Variants in BBS9 observed in about 807,000 individuals in gnomAD.
BBS9 encodes the protein Bardet-Biedl syndrome 9.
BBS9 carries 89 observed loss-of-function variants against 117.7 expected under a neutral mutation model. That is an observed-to-expected ratio of 0.76 (90% CI 0.64 to 0.90). The LOEUF is 0.90. Ranked by LOEUF, BBS9 falls within the 40% of genes least tolerant of loss-of-function variation. BBS9 has a pLI of 0.00. For synonymous variants in BBS9, 379 were observed against 370.9 expected (o/e 1.02, Z -0.25); for missense variants, 982 against 1,042.2 (o/e 0.94, Z 0.80).
chr7:33,131,148 C>T (rs1789537603), intron 1 of BBS9, among the ~76,000 whole-genome samples: 1 of 152,296 alleles, frequency 6.6e-6, no homozygotes, highest in East Asian at 1.9e-4. Flanking sequence ...GTGAGTTTGG[C>T]ATTCGTAATT....
intron 19 of BBS9, among the ~76,000 whole-genome samples, chr7:33,455,105 A>G (rs1365185733): frequency 6.6e-6 from 1 of 152,158 alleles, no homozygotes; most frequent in African/African-American, 2.4e-5. Flanking sequence ...AATAAATGCT[A>G]GCTGCTTTTA....
intron 21 of BBS9, among the ~76,000 whole-genome samples, chr7:33,540,095 C>T (rs1185988791): frequency 2.0e-5 from 3 of 152,126 alleles, no homozygotes; most frequent in Non-Finnish European, 4.4e-5. Flanking sequence ...ACCCTCTTCC[C>T]CTCAATTATA....
Position 33,344,583 on chromosome 7 carries a change from A to G in BBS9, c.1278A>G (p.Gln426=). 6.2e-7 allele frequency: 1 copy of G among 1,614,084 alleles called. No homozygotes were observed. The highest frequency in any genetic ancestry group is 2.2e-5 in the East Asian group (1 of 44,854). ...VVSPNFDSVS[Q]ATDVEVGTDL... ...CCTTCTCAATTCTGTGTTTACAGCA[A>G]GCGACCGATGTTGAGGTGGGAACTG... The change falls in exon 12 of 23, where the codon CAA becomes CAG. Residue 426 remains glutamine (Q), a splice_region_variant and synonymous_variant. Coordinates refer to ENST00000242067, the MANE Select transcript of BBS9 (RefSeq NM_198428.3).
chr7:33,578,193 A>T (rs1472710013), intron 21 of BBS9, among the ~76,000 whole-genome samples: 4 of 152,196 alleles, frequency 2.6e-5, no homozygotes, highest in Non-Finnish European at 4.4e-5. Context: ...TTCTACATAG[A>T]TCTTGAAATA....
chr7:33,561,946 T>A (rs992195082), intron 21 of BBS9, among the ~76,000 whole-genome samples: 1 of 152,238 alleles, frequency 6.6e-6, no homozygotes, highest in African/African-American at 2.4e-5. Flanking sequence ...AACAATAGTC[T>A]TTTCTTTCTT....
chr7:33,565,945 G>T lies in BBS9; in HGVS notation c.2521+31769G>T, dbSNP rs1856869796. On this transcript the variant is annotated intron_variant, in intron 21 of 22. Transcript: ENST00000242067. ...TACAGGTACAAGGTGAGAAGTGGAA[G>T]AGATGGTGTCCCAGTATCTTATTTG... is the stretch of plus-strand genomic sequence containing the variant. Among the ~76,000 whole-genome samples, 3 of 148,750 alleles carry T rather than the reference G, an allele frequency of 2.0e-5. No homozygotes were observed. The South Asian group carries it at 6.4e-4, about 32-fold the overall frequency.
chr7:33,593,963 C>T (rs1252961727), intron 21 of BBS9, among the ~76,000 whole-genome samples: 3 of 152,062 alleles, frequency 2.0e-5, no homozygotes, highest in African/African-American at 4.8e-5. Context: ...ATTCTCGCCA[C>T]CAAGTGAGTC....
intron 1 of BBS9, among the ~76,000 whole-genome samples, chr7:33,139,568 T>C (rs1171642031): frequency 6.6e-6 from 1 of 151,230 alleles, no homozygotes; most frequent in Non-Finnish European, 1.5e-5. Context: ...GTCACTTATC[T>C]GAGGATTTTG....
chr7:33,603,613 G>T (rs1314322808), intron 21 of BBS9, among the ~76,000 whole-genome samples: 1 of 152,112 alleles, frequency 6.6e-6, no homozygotes, highest in Non-Finnish European at 1.5e-5. Flanking sequence ...ACTCAATAAT[G>T]ATAGTTCTTG....
chr7:33,625,559 T>C (rs542488098), intron 21 of BBS9, among the ~76,000 whole-genome samples: 1 of 152,356 alleles, frequency 6.6e-6, no homozygotes, highest in African/African-American at 2.4e-5. Context: ...TTACCAACTG[T>C]ATCACTGCTG....
rs139067591 is a variant in BBS9 at position 33,234,673 on chromosome 7, T to C, written c.443-22563T>C. ...TATCTATCTATATATCTATATCTTT[T>C]TATCTATCTCCATCCCTCCATCTAT... On this transcript the variant is annotated intron_variant, in intron 5 of 22. Coordinates refer to ENST00000242067, the MANE Select transcript of BBS9 (RefSeq NM_198428.3). Among the ~76,000 whole-genome samples, 1,140 of 151,798 alleles carry C rather than the reference T, an allele frequency of 7.5e-3. 18 individuals carry two copies. Among genetic ancestry groups the C allele is most frequent in the African/African-American group, 0.026 (1,088 of 41,410 alleles).
chr7:33,273,975 C>T lies in BBS9; in HGVS notation c.1016+19C>T. The stretch of plus-strand genomic sequence containing the variant: ...GTTTGCAGTAAGTGATTTAATTTAA[C>T]ACAGTTTTTAAAGAGGATGTTAGTC... On this transcript the variant is annotated intron_variant, in intron 9 of 22. Transcript: ENST00000242067. 6.2e-7 allele frequency: 1 copy of T among 1,612,864 alleles called. No individual in the cohort carries two copies. The highest frequency in any genetic ancestry group is 1.1e-5 in the South Asian group (1 of 91,046).
intron 5 of BBS9, among the ~76,000 whole-genome samples, chr7:33,248,302 G>A (rs1795685433): frequency 6.6e-6 from 1 of 152,036 alleles, no homozygotes; most frequent in South Asian, 2.1e-4. Context: ...ATTTATTTAT[G>A]CCTAAGGTTT....
chr7:33,490,667 A>G (rs1457600189), intron 19 of BBS9, among the ~76,000 whole-genome samples: 2 of 152,190 alleles, frequency 1.3e-5, no homozygotes, highest in African/African-American at 2.4e-5. Context: ...TGGGTGCTCA[A>G]TTTGTACTCT....
rs796274235 is a variant in BBS9 at position 33,542,711 on chromosome 7, G to A, written c.2521+8535G>A. On this transcript the variant is annotated intron_variant, in intron 21 of 22. Transcript: ENST00000242067. ...TTCCATTATATATATGTGTGTGTGTGTGTGTGTGTGTGTGTGTGTGTATAT... is the reference window on the plus strand; with the variant it reads ...TTCCATTATATATATGTGTGTGTGTATGTGTGTGTGTGTGTGTGTGTATAT... Among the ~76,000 whole-genome samples, 59 of 49,388 alleles carry A rather than the reference G, an allele frequency of 1.2e-3. 1 individual carries two copies. In the Middle Eastern group the frequency reaches 0.017, roughly 14 times the overall value. 32.4% of individuals were successfully genotyped at this position (49,388 alleles called of 152,430 possible). A position where few individuals can be genotyped will look rare whatever the true frequency, so the allele number is the denominator to read the frequency against.
chr7:33,198,300 A>C (rs752199320), intron 5 of BBS9, among the ~76,000 whole-genome samples: 1 of 152,042 alleles, frequency 6.6e-6, no homozygotes, highest in Non-Finnish European at 1.5e-5. Context: ...TTAAGATTTC[A>C]TATGGCTTTT....
At chr7:33,188,080 A>ATGTGTGTGTGTGTGGG in intron 5 of BBS9, among the ~76,000 whole-genome samples, 1 of 73,070 alleles carries the variant, frequency 1.4e-5, no homozygotes, top group Non-Finnish European at 2.6e-5. Context: ...AGTTGAGTGA[A>ATGTGTGTGTGTGTGGG]TGTGTGTGTG....
chr7:33,501,302 G>A (rs990905095), intron 19 of BBS9, among the ~76,000 whole-genome samples: 11 of 152,136 alleles, frequency 7.2e-5, no homozygotes, highest in Non-Finnish European at 1.0e-4. Flanking sequence ...TGGCTGTTAC[G>A]TGTAAAACTA....
chr7:33,208,050 C>T (rs967943453), intron 5 of BBS9, among the ~76,000 whole-genome samples: 1 of 152,114 alleles, frequency 6.6e-6, no homozygotes, highest in Non-Finnish European at 1.5e-5. Context: ...CTCAGGTGAT[C>T]CACCCGCCTT....
Sources: allele counts gnomAD v4.1 joint callset (sites outside exome capture counted in the v4.1 genomes callset), GRCh38; gene constraint gnomAD v4.1.1; transcripts MANE v1.5; gene names NCBI Gene and HGNC (gene_info 2026-07-23, HGNC 2026-07-21).